SOX6: variants seen among roughly 807,000 people sequenced by gnomAD.
SOX6 encodes transcription factor SOX-6.
SOX6 carries 11 observed loss-of-function variants against 97.8 expected under a neutral mutation model. The ratio of observed to expected loss-of-function variants is 0.11; its 90% CI spans 0.07 to 0.19. The LOEUF (loss-of-function observed/expected upper bound fraction) is 0.19. Among genes scored for constraint, SOX6 ranks in the 10% least tolerant of loss-of-function variants. The pLI, the probability that SOX6 is intolerant of heterozygous loss-of-function variation, is 1.00. For synonymous variants in SOX6, 360 were observed against 371.4 expected (o/e 0.97, Z 0.35); for missense variants, 810 against 1,039.5 (o/e 0.78, Z 3.04).
chr11:16,585,033 C>T (rs966050451), intron 4 of SOX6, among the ~76,000 whole-genome samples: 15 of 152,156 alleles, frequency 9.9e-5, no homozygotes, highest in African/African-American at 3.6e-4. Flanking sequence ...AATTATGAAA[C>T]TCAAAAATGA....
intron 3 of SOX6, among the ~76,000 whole-genome samples, chr11:16,637,128 T>C (rs1848802442): frequency 6.6e-6 from 1 of 152,220 alleles, no homozygotes; most frequent in African/African-American, 2.4e-5. Context: ...CTCTACTGTT[T>C]CTTCCTTACT....
chr11:16,005,541 GT>G (rs1854524202), intron 13 of SOX6, among the ~76,000 whole-genome samples: 1 of 152,002 alleles, frequency 6.6e-6, no homozygotes, highest in African/African-American at 2.4e-5. Flanking sequence ...TTTGACAATT[GT>G]TTTTCTTCTT....
intron 4 of SOX6, among the ~76,000 whole-genome samples, chr11:16,200,131 A>C (rs1183297426): frequency 6.6e-6 from 1 of 152,154 alleles, no homozygotes; most frequent in African/African-American, 2.4e-5. Flanking sequence ...ATGTTTTCAG[A>C]AGTTATACTT....
chr11:16,185,566 T>A (rs2134104638), intron 5 of SOX6, among the ~76,000 whole-genome samples: 1 of 152,318 alleles, frequency 6.6e-6, no homozygotes, highest in Admixed American at 6.5e-5. Context: ...TATTTGCCAA[T>A]AGGTTGAGCT....
chr11:16,409,745 C>T (rs568122897), intron 1 of SOX6, among the ~76,000 whole-genome samples: 1 of 151,580 alleles, frequency 6.6e-6, no homozygotes, highest in African/African-American at 2.4e-5. Flanking sequence ...GGATAGAAGA[C>T]AAAACCTACC....
intron 3 of SOX6, among the ~76,000 whole-genome samples, chr11:16,699,354 T>C (rs1848076143): frequency 6.6e-6 from 1 of 152,170 alleles, no homozygotes; most frequent in Non-Finnish European, 1.5e-5. Context: ...CTCCCAACCC[T>C]ATGTTTAACC....
At chr11:16,380,319 T>C (rs1378266145) in intron 1 of SOX6, among the ~76,000 whole-genome samples, 2 of 152,060 alleles carry the variant, frequency 1.3e-5, no homozygotes, top group Admixed American at 1.3e-4. Context: ...TTAAAAAATA[T>C]GTGTATCTAA....
At chr11:16,417,523 T>C (rs1159147331) in intron 1 of SOX6, among the ~76,000 whole-genome samples, 2 of 152,070 alleles carry the variant, frequency 1.3e-5, no homozygotes, top group Non-Finnish European at 2.9e-5. Flanking sequence ...CCAACATCCA[T>C]CTAAAAATAG....
chr11:16,634,014 T>C (rs1848748458), intron 3 of SOX6, among the ~76,000 whole-genome samples: 1 of 152,176 alleles, frequency 6.6e-6, no homozygotes. Context: ...TGTGATTCAT[T>C]TTCTAGAGAA....
At chr11:16,188,197 C>T (rs1851533366) in intron 4 of SOX6, among the ~76,000 whole-genome samples, 1 of 139,176 alleles carries the variant, frequency 7.2e-6, no homozygotes, top group Non-Finnish European at 1.5e-5. Flanking sequence ...ACATTTAGGA[C>T]TATCGTGGGA....
chr11:16,032,312 A>G (rs1855399572), intron 12 of SOX6, among the ~76,000 whole-genome samples: 1 of 152,136 alleles, frequency 6.6e-6, no homozygotes, highest in Non-Finnish European at 1.5e-5. Context: ...TCGATTTGTT[A>G]GTCTATAATG....
chr11:16,552,071 A>G (rs1281612924), intron 4 of SOX6, among the ~76,000 whole-genome samples: 1 of 151,374 alleles, frequency 6.6e-6, no homozygotes, highest in Non-Finnish European at 1.5e-5. Context: ...TTCATATTTT[A>G]TTGAAACCCA....
chr11:16,374,653 G>A (rs1857595135), intron 1 of SOX6, among the ~76,000 whole-genome samples: 1 of 151,886 alleles, frequency 6.6e-6, no homozygotes, highest in Admixed American at 6.6e-5. Flanking sequence ...AAAAACATGT[G>A]GTGAGGTTTC....
At chr11:16,070,283 C>T (rs1424083824) in intron 9 of SOX6, among the ~76,000 whole-genome samples, 1 of 152,024 alleles carries the variant, frequency 6.6e-6, no homozygotes, top group Non-Finnish European at 1.5e-5. Flanking sequence ...GCTAATGGGG[C>T]AGAGGCTGCA....
chr11:16,282,193 T>G (rs897575117), intron 3 of SOX6, among the ~76,000 whole-genome samples: 4 of 151,106 alleles, frequency 2.6e-5, no homozygotes, highest in Non-Finnish European at 5.9e-5. Flanking sequence ...TCAAATAAAA[T>G]GCCTTATATC....
At chr11:16,257,924 C>T (rs1853742871) in intron 3 of SOX6, among the ~76,000 whole-genome samples, 1 of 151,840 alleles carries the variant, frequency 6.6e-6, no homozygotes, top group African/African-American at 2.4e-5. Flanking sequence ...AGAAGATACA[C>T]AGATGCAAGT....
At chr11:15,987,948 C>T (rs1332383870) in intron 14 of SOX6, among the ~76,000 whole-genome samples, 1 of 151,894 alleles carries the variant, frequency 6.6e-6, no homozygotes, top group Admixed American at 6.6e-5. Context: ...TCTTAGAGGT[C>T]ACTGCCTCAA....
intron 2 of SOX6, among the ~76,000 whole-genome samples, chr11:16,721,608 T>C (rs1590064517): frequency 2.4e-5 from 1 of 41,040 alleles, no homozygotes. Flanking sequence ...CTTCCCTCCC[T>C]CCCTCCCTCC....
chr11:16,400,791 A>G (rs888079835), intron 1 of SOX6, among the ~76,000 whole-genome samples: 1 of 151,550 alleles, frequency 6.6e-6, no homozygotes, highest in African/African-American at 2.4e-5. Flanking sequence ...CGTAGATAAA[A>G]GACTTGTATG....
Sources: gnomAD v4.1 joint callset for allele counts (sites outside exome capture counted in the v4.1 genomes callset) on GRCh38, gnomAD v4.1.1 for gene constraint, MANE v1.5 for transcripts, NCBI Gene and HGNC (gene_info 2026-07-23, HGNC 2026-07-21) for gene names.